NKAIN3: variants seen among roughly 807,000 people sequenced by gnomAD.
NKAIN3 encodes the protein sodium/potassium-transporting ATPase subunit beta-1-interacting protein 3.
NKAIN3 carries 25 observed loss-of-function variants against 30.2 expected under a neutral mutation model. That is an observed-to-expected ratio of 0.83 (90% CI 0.60 to 1.16). The LOEUF (loss-of-function observed/expected upper bound fraction) is 1.16. Among genes scored for constraint, NKAIN3 ranks in the 50% most tolerant of loss-of-function variants. The pLI, the probability that NKAIN3 is intolerant of heterozygous loss-of-function variation, is 0.00. For missense variants in NKAIN3, 225 were observed against 254.1 expected (o/e 0.89, Z 0.78); for synonymous variants, 91 against 89.6 (o/e 1.02, Z -0.09).
intron 1 of NKAIN3, among the ~76,000 whole-genome samples, chr8:62,487,110 G>C (rs866253077): frequency 2.8e-4 from 42 of 152,164 alleles, no homozygotes; most frequent in South Asian, 4.1e-4. Flanking sequence ...CAAAATAAAG[G>C]CCTGAACATT....
At chr8:62,874,020 C>G (rs1034527318) in intron 4 of NKAIN3, among the ~76,000 whole-genome samples, 2 of 150,778 alleles carry the variant, frequency 1.3e-5, no homozygotes, top group African/African-American at 2.4e-5. Flanking sequence ...CATGAAAAAC[C>G]CTCCAAAAAA....
At chr8:62,341,352 G>C (rs1210997366) in intron 1 of NKAIN3, among the ~76,000 whole-genome samples, 1 of 152,064 alleles carries the variant, frequency 6.6e-6, no homozygotes, top group Non-Finnish European at 1.5e-5. Context: ...ATCTGAGCTT[G>C]GATGACATGT....
intron 1 of NKAIN3, among the ~76,000 whole-genome samples, chr8:62,413,588 G>C (rs77131213): frequency 0.14 from 21,080 of 152,082 alleles, 1,755 homozygotes; most frequent in East Asian, 0.41. Flanking sequence ...TAAATAAATA[G>C]AGGCTAATGT....
At chr8:62,662,666 A>G (rs572811119) in intron 3 of NKAIN3, among the ~76,000 whole-genome samples, 1 of 152,314 alleles carries the variant, frequency 6.6e-6, no homozygotes, top group African/African-American at 2.4e-5. Context: ...AGCACATACA[A>G]TCTAGTGAGT....
intron 3 of NKAIN3, among the ~76,000 whole-genome samples, chr8:62,683,759 T>G (rs1813716435): frequency 6.6e-6 from 1 of 152,094 alleles, no homozygotes; most frequent in Non-Finnish European, 1.5e-5. Context: ...TGAAAGGGGA[T>G]TTGGTCTGGC....
chr8:62,348,088 C>T (rs1341192800), intron 1 of NKAIN3, among the ~76,000 whole-genome samples: 2 of 151,972 alleles, frequency 1.3e-5, no homozygotes, highest in Non-Finnish European at 1.5e-5. Context: ...AGGCTGCCAT[C>T]CATCTGCAGC....
intron 1 of NKAIN3, among the ~76,000 whole-genome samples, chr8:62,436,955 T>C (rs1805191507): frequency 6.6e-6 from 1 of 152,192 alleles, no homozygotes; most frequent in Non-Finnish European, 1.5e-5. Flanking sequence ...ATCATTCATA[T>C]TTAAGTCTAA....
intron 3 of NKAIN3, among the ~76,000 whole-genome samples, chr8:62,717,530 A>G (rs1343505332): frequency 6.6e-6 from 1 of 152,106 alleles, no homozygotes; most frequent in African/African-American, 2.4e-5. Context: ...CAAGTAATGA[A>G]TAATCATTAT....
intron 5 of NKAIN3, among the ~76,000 whole-genome samples, chr8:62,995,376 C>T (rs1322065638): frequency 1.3e-5 from 2 of 152,100 alleles, no homozygotes. Context: ...TTAAACAAGG[C>T]TAAGAAGCAA....
intron 4 of NKAIN3, among the ~76,000 whole-genome samples, chr8:62,911,317 A>T (rs1041119402): frequency 7.2e-5 from 11 of 152,194 alleles, no homozygotes; most frequent in Admixed American, 3.3e-4. Flanking sequence ...ATGCATGAAA[A>T]AATAATGATT....
chr8:62,422,967 A>G (rs145704519), intron 1 of NKAIN3, among the ~76,000 whole-genome samples: 98 of 152,242 alleles, frequency 6.4e-4, no homozygotes, highest in Admixed American at 2.6e-3. Flanking sequence ...CATTGCAGAT[A>G]TCACTGGTTG....
intron 4 of NKAIN3, among the ~76,000 whole-genome samples, chr8:62,865,159 T>A (rs759638087): frequency 7.9e-5 from 12 of 152,196 alleles, no homozygotes; most frequent in Non-Finnish European, 1.8e-4. Context: ...GAAACCCTGG[T>A]GCCCTTTTGA....
chr8:62,870,016 C>T (rs1189305123), intron 4 of NKAIN3, among the ~76,000 whole-genome samples: 1 of 151,406 alleles, frequency 6.6e-6, no homozygotes, highest in Non-Finnish European at 1.5e-5. Context: ...GTGATCCACC[C>T]GCGTCGGCCT....
chr8:62,485,287 C>T (rs1024280953), intron 1 of NKAIN3, among the ~76,000 whole-genome samples: 2 of 152,106 alleles, frequency 1.3e-5, no homozygotes, highest in Admixed American at 6.5e-5. Context: ...GATCCATTCT[C>T]GAGAGGCTTT....
chr8:62,818,620 C>A (rs920130833), intron 4 of NKAIN3, among the ~76,000 whole-genome samples: 4 of 152,006 alleles, frequency 2.6e-5, no homozygotes, highest in Non-Finnish European at 5.9e-5. Flanking sequence ...CTACATTAAG[C>A]CCTGGAATAT....
At chr8:62,898,729 TG>T (rs1563617964) in intron 4 of NKAIN3, among the ~76,000 whole-genome samples, 1 of 151,970 alleles carries the variant, frequency 6.6e-6, no homozygotes, top group Non-Finnish European at 1.5e-5. Context: ...AATGGACAAA[TG>T]GGATCACATA....
intron 1 of NKAIN3, among the ~76,000 whole-genome samples, chr8:62,413,855 C>T (rs1009682975): frequency 4.6e-5 from 7 of 152,104 alleles, no homozygotes; most frequent in Middle Eastern, 3.4e-3. Context: ...TATTCTAATT[C>T]CAAAATATTT....
In NKAIN3 at chr8:62,954,374, G is replaced by A. The variant is rs558116723; in HGVS notation, c.603+402G>A. Reference sequence around the variant, plus strand: ...TCCAGGTGCCTTCCTCAGTGTCTCTGAGACTTGTTCTATCACCATACTATG... The same window carrying A: ...TCCAGGTGCCTTCCTCAGTGTCTCTAAGACTTGTTCTATCACCATACTATG... On this transcript the variant is annotated intron_variant, in intron 6 of 6. Transcript: ENST00000623646. 3.3e-5 allele frequency among the ~76,000 whole-genome samples: 5 copies of A among 152,264 alleles called. No homozygotes were observed. The South Asian group carries it at 1.0e-3, about 32-fold the overall frequency.
chr8:62,249,441 C>T (rs776673090), intron 1 of NKAIN3, among the ~76,000 whole-genome samples: 1 of 152,240 alleles, frequency 6.6e-6, no homozygotes, highest in Non-Finnish European at 1.5e-5. Context: ...GATTTTCCCG[C>T]CCCTTGATCC....
Sources: gnomAD v4.1 joint callset for allele counts (sites outside exome capture counted in the v4.1 genomes callset) on GRCh38, gnomAD v4.1.1 for gene constraint, MANE v1.5 for transcripts, NCBI Gene and HGNC (gene_info 2026-07-23, HGNC 2026-07-21) for gene names.